DOCK7: variants seen among roughly 807,000 people sequenced by gnomAD.
The protein encoded by DOCK7 is dedicator of cytokinesis 7.
DOCK7 carries 138 observed loss-of-function variants against 271.0 expected under a neutral mutation model. That is an observed-to-expected ratio of 0.51 (90% CI 0.44 to 0.59). The LOEUF is 0.59. Ranked by LOEUF, DOCK7 falls within the 20% of genes least tolerant of loss-of-function variation. The pLI, the probability that DOCK7 is intolerant of heterozygous loss-of-function variation, is 0.00. For missense variants in DOCK7, 2,066 were observed against 2,592.4 expected, an observed-to-expected ratio of 0.80 and a Z score of 4.41; for synonymous variants, 823 against 876.1, an observed-to-expected ratio of 0.94 and a Z score of 1.07.
chr1:62,597,815 T>G, intron 14 of DOCK7: 1 of 1,613,188 alleles, frequency 6.2e-7, no homozygotes, highest in Non-Finnish European at 8.5e-7. Context: ...AGTCTTTTTA[T>G]GATCTATCGC....
At chr1:62,540,039 C>A (rs1645476335) in intron 25 of DOCK7, 147 bp from the exon 26 acceptor site, 1 of 534,522 alleles carries the variant, frequency 1.9e-6, no homozygotes, top group East Asian at 3.3e-5. Context: ...TTTTAAAGTT[C>A]CCTACAATGT....
intron 43 of DOCK7, chr1:62,485,704 G>C (rs1646273444): frequency 2.0e-6 from 2 of 984,234 alleles, no homozygotes; most frequent in Non-Finnish European, 2.4e-6. Context: ...AGCAACCAGG[G>C]ACAAGAGAGA....
chr1:62,621,976 T>C (rs184824361), intron 12 of DOCK7, among the ~76,000 whole-genome samples: 5 of 152,360 alleles, frequency 3.3e-5, no homozygotes, highest in East Asian at 3.9e-4. Flanking sequence ...CCTGTTTCCA[T>C]GCCTTTTTGG....
chr1:62,458,853 G>C (rs1482672274), intron 48 of DOCK7: 1 of 152,072 alleles, frequency 6.6e-6, no homozygotes, highest in Non-Finnish European at 1.5e-5. Context: ...TTTGATGACA[G>C]TCCTTTATCC....
chr1:62,591,320 A>C (rs1378892824), intron 14 of DOCK7, among the ~76,000 whole-genome samples: 3 of 152,126 alleles, frequency 2.0e-5, no homozygotes, highest in African/African-American at 4.8e-5. Flanking sequence ...AACACAAAGA[A>C]GGAAAAAACA....
chr1:62,624,648 A>G (rs1409386804), intron 12 of DOCK7, among the ~76,000 whole-genome samples: 4 of 152,114 alleles, frequency 2.6e-5, no homozygotes, highest in Admixed American at 2.0e-4. Context: ...TTCATAAACA[A>G]CCAATGTTTA....
Position 62,475,769 on chromosome 1 carries a change from G to A in DOCK7, c.5899C>T (p.Leu1967=). The change falls in exon 46 of 50, where the codon CTG becomes TTG. Residue 1967 remains leucine (L), a synonymous_variant. Coordinates refer to ENST00000635253, the MANE Select transcript of DOCK7 (RefSeq NM_001367561.1). ...LHEQFKRKTI[L]TTSHAFPYIK... ...TAAGGAAAGGCATGAGACGTAGTCA[G>A]AATGGTCTTCCTTTTGAATTGTTCA... 1 of 1,614,064 alleles carries A rather than the reference G, an allele frequency of 6.2e-7. No individual in the cohort carries two copies. The highest frequency in any genetic ancestry group is 8.5e-7 in the Non-Finnish European group (1 of 1,179,944).
chr1:62,642,112 TC>T (rs1656103296), intron 7 of DOCK7, among the ~76,000 whole-genome samples: 1 of 145,986 alleles, frequency 6.8e-6, no homozygotes. Flanking sequence ...GTTTACTTTT[TC>T]TTTTTTTTTT....
chr1:62,571,798 A>G (rs1041610732), intron 18 of DOCK7, among the ~76,000 whole-genome samples: 1 of 152,222 alleles, frequency 6.6e-6, no homozygotes, highest in Non-Finnish European at 1.5e-5. Context: ...AAACTAATGC[A>G]GGAACAGAAA....
intron 7 of DOCK7, among the ~76,000 whole-genome samples, chr1:62,638,602 T>C (rs972834011): frequency 6.7e-6 from 1 of 149,010 alleles, no homozygotes; most frequent in Admixed American, 6.7e-5. Context: ...TTCATGAATA[T>C]ATATTTTTTC....
At position 62,457,660 on chromosome 1, in the gene DOCK7, A is replaced by T; in HGVS notation, c.6258T>A (p.Asp2086Glu). Residue 2086 changes from aspartate (D) to glutamate (E), a missense_variant, in exon 49 of 50, where the codon GAT (aspartate) becomes GAA (glutamate). Around this residue, in one of 2 missense-constraint regions of DOCK7, gnomAD observed 652 missense variants for 922.1 expected, o/e 0.71. Transcript: ENST00000635253. ...CCAGTTCCCTTTGATACTCCTTTTGATCCGGCCCAATTAAGCTCTTATTTT... is the reference window on the plus strand; with the variant it reads ...CCAGTTCCCTTTGATACTCCTTTTGTTCCGGCCCAATTAAGCTCTTATTTT... ...LRKNKSLIGPDQKEYQRELER... is the reference protein window; with the variant it reads ...LRKNKSLIGPEQKEYQRELER... The T allele has an allele frequency of 1.9e-6, 3 of 1,614,082 alleles. No individual in the cohort carries two copies. Among genetic ancestry groups the T allele is most frequent in the Non-Finnish European group, 2.5e-6 (3 of 1,180,018 alleles).
rs756227824 is a variant in DOCK7 at position 62,475,191 on chromosome 1, T to C, written c.6105+17A>G. ...ATTTACAGCTTAAATCACACAGTGC[T>C]AGCAAAAAGCACTAACCTGATTCAC... On this transcript the variant is annotated intron_variant, in intron 47 of 49. Transcript: ENST00000635253. The C allele has an allele frequency of 6.2e-7, 1 of 1,609,212 alleles. No individual in the cohort carries two copies.
In DOCK7 at chr1:62,455,411, A is replaced by G; in HGVS notation, c.*3T>C. 6.2e-7 allele frequency: 1 copy of G among 1,613,514 alleles called. No individual in the cohort carries two copies. The highest frequency in any genetic ancestry group is 8.5e-7 in the Non-Finnish European group (1 of 1,179,708). On this transcript the variant is annotated 3_prime_UTR_variant, in exon 50 of 50. Transcript: ENST00000635253. Reference sequence around the variant, plus strand: ...GCAGATGAATAAAACAAGTGCATTCAGTTTAGAGATCCATTTTGCGAAGGC... The same window carrying G: ...GCAGATGAATAAAACAAGTGCATTCGGTTTAGAGATCCATTTTGCGAAGGC...
intron 11 of DOCK7, 107 bp from the exon 12 acceptor site, chr1:62,625,508 C>G (rs1475128769): frequency 1.1e-5 from 12 of 1,120,520 alleles, no homozygotes; most frequent in Non-Finnish European, 1.5e-5. Flanking sequence ...ATTACCCACT[C>G]AGCATATCAA....
chr1:62,486,283 C>A (rs1473379077), intron 43 of DOCK7: 2 of 151,980 alleles, frequency 1.3e-5, no homozygotes, highest in African/African-American at 4.8e-5. Context: ...GGTACTATTT[C>A]AGAAATAGAG....
At chr1:62,653,186 C>G (rs1169401709) in intron 4 of DOCK7, among the ~76,000 whole-genome samples, 1 of 152,152 alleles carries the variant, frequency 6.6e-6, no homozygotes, top group Non-Finnish European at 1.5e-5. Flanking sequence ...TATTATACTT[C>G]TTAATCTGAC....
chr1:62,527,029 G>T (rs2149367601), intron 31 of DOCK7, among the ~76,000 whole-genome samples: 1 of 152,066 alleles, frequency 6.6e-6, no homozygotes, highest in South Asian at 2.1e-4. Context: ...AACCATTAAG[G>T]TATATATACT....
intron 31 of DOCK7, among the ~76,000 whole-genome samples, chr1:62,514,756 T>C (rs1483573598): frequency 6.6e-6 from 1 of 151,996 alleles, no homozygotes; most frequent in East Asian, 1.9e-4. Flanking sequence ...TAACATTAAC[T>C]ATTATTATTA....
chr1:62,604,377 T>C (rs1422876663), intron 14 of DOCK7: 30 of 1,055,360 alleles, frequency 2.8e-5, no homozygotes, highest in Non-Finnish European at 3.7e-5. Flanking sequence ...CTCTTAACTA[T>C]AATGAAAGTG....
Sources: allele counts gnomAD v4.1 joint callset (sites outside exome capture counted in the v4.1 genomes callset), GRCh38; gene constraint gnomAD v4.1.1; regional missense constraint gnomAD v4.1.1; transcripts MANE v1.5; gene names NCBI Gene and HGNC (gene_info 2026-07-23, HGNC 2026-07-21).